Variants in GPHN observed in about 807,000 individuals in gnomAD.
GPHN encodes the protein gephyrin.
In GPHN, 17 loss-of-function variants were observed where a neutral mutation model predicts 95.5. The ratio of observed to expected loss-of-function variants is 0.18; its 90% CI spans 0.12 to 0.27. The LOEUF is 0.27. GPHN is among the 10% of genes least tolerant of loss of function. The pLI, the probability that GPHN is intolerant of heterozygous loss-of-function variation, is 1.00. For missense variants in GPHN, 660 were observed against 978.1 expected (o/e 0.67, Z 4.34); for synonymous variants, 320 against 322.5 (o/e 0.99, Z 0.08).
the GPHN span, among the ~76,000 whole-genome samples, chr14:67,528,396 C>G: frequency 6.6e-6 from 1 of 152,202 alleles, no homozygotes; most frequent in East Asian, 1.9e-4. Context: ...AGTCTCTCCC[C>G]ACACAGGCTC....
the GPHN span, among the ~76,000 whole-genome samples, chr14:67,297,584 C>T: frequency 6.6e-6 from 1 of 152,204 alleles, no homozygotes; most frequent in Non-Finnish European, 1.5e-5. Context: ...ACTTTGATAA[C>T]ATTGTGGAAA....
intron 2 of GPHN, among the ~76,000 whole-genome samples, chr14:66,765,714 C>A (rs929596550): frequency 1.3e-5 from 2 of 151,240 alleles, no homozygotes; most frequent in Admixed American, 1.3e-4. Flanking sequence ...TCCCATGACG[C>A]ACAATTTACC....
chr14:67,253,555 C>T, the GPHN span, among the ~76,000 whole-genome samples: 12 of 152,060 alleles, frequency 7.9e-5, no homozygotes, highest in African/African-American at 1.7e-4. Context: ...TTAAAAATGA[C>T]GTAGTTAGGC....
At chr14:66,546,034 G>A (rs2059579881) in intron 1 of GPHN, among the ~76,000 whole-genome samples, 2 of 149,636 alleles carry the variant, frequency 1.3e-5, no homozygotes, top group African/African-American at 4.9e-5. Flanking sequence ...GGGCAGAGAC[G>A]CTCCTCACCT....
chr14:67,660,845 A>C, the GPHN span, among the ~76,000 whole-genome samples: 1 of 152,228 alleles, frequency 6.6e-6, no homozygotes. Context: ...GAAGATTTTA[A>C]AAATGCTACC....
intron 17 of GPHN, among the ~76,000 whole-genome samples, chr14:67,138,405 C>G (rs1035197619): frequency 6.6e-6 from 1 of 152,102 alleles, no homozygotes; most frequent in Admixed American, 6.6e-5. Context: ...ATATACCCTG[C>G]TTGCTTTATG....
At chr14:67,165,139 A>G (rs747726620) in intron 19 of GPHN, 23 bp from the exon 20 acceptor site, 1 of 1,547,728 alleles carries the variant, frequency 6.5e-7, no homozygotes, top group Non-Finnish European at 8.9e-7. Context: ...AATCACTAAC[A>G]AGTGACTCTT....
the GPHN span, chr14:67,611,056 G>T: frequency 6.4e-6 from 1 of 157,020 alleles, no homozygotes. Context: ...GTGCACGTGG[G>T]CCAGACCAGC....
the GPHN span, chr14:67,208,125 T>C: frequency 3.1e-5 from 49 of 1,568,310 alleles, no homozygotes; most frequent in South Asian, 5.8e-4. Flanking sequence ...GGTGCCTGTA[T>C]TCGATACTGT....
chr14:66,632,882 C>CAACAAG (rs2063897179), intron 1 of GPHN, among the ~76,000 whole-genome samples: 1 of 152,008 alleles, frequency 6.6e-6, no homozygotes, highest in Admixed American at 6.6e-5. Flanking sequence ...AGAACAACAA[C>CAACAAG]AAAAAAGGAA....
the GPHN span, among the ~76,000 whole-genome samples, chr14:67,223,326 A>G: frequency 1.3e-5 from 2 of 152,224 alleles, no homozygotes; most frequent in Non-Finnish European, 2.9e-5. Flanking sequence ...GTCTAAAAAT[A>G]TGAGATGAAC....
At chr14:66,756,107 T>C (rs1478014654) in intron 2 of GPHN, among the ~76,000 whole-genome samples, 1 of 152,176 alleles carries the variant, frequency 6.6e-6, no homozygotes, top group African/African-American at 2.4e-5. Flanking sequence ...TAGAAGTTGC[T>C]CAAAAAAGTT....
At chr14:67,574,215 C>A in the GPHN span, 2 of 1,559,910 alleles carry the variant, frequency 1.3e-6, no homozygotes, top group Admixed American at 1.8e-5. This position sits in a 1 kb window ranked among gnomAD's most constrained non-coding sequence, Gnocchi z 4.2. Flanking sequence ...AGCGTGCTGC[C>A]CCACCCCCAT....
intron 6 of GPHN, among the ~76,000 whole-genome samples, chr14:66,917,612 C>T (rs1322313011): frequency 1.3e-5 from 2 of 152,148 alleles, no homozygotes; most frequent in African/African-American, 4.8e-5. Flanking sequence ...ACTAGTTTAG[C>T]AAGTTCCTCC....
At chr14:67,563,841 C>T in the GPHN span, among the ~76,000 whole-genome samples, 3 of 149,516 alleles carry the variant, frequency 2.0e-5, no homozygotes, top group Non-Finnish European at 4.4e-5. Flanking sequence ...TCAAGTGGTA[C>T]TCCCACCTCA....
chr14:66,812,781 T>G (rs1407526864), intron 3 of GPHN, among the ~76,000 whole-genome samples: 1 of 152,188 alleles, frequency 6.6e-6, no homozygotes, highest in Non-Finnish European at 1.5e-5. Context: ...CCAACAAAAT[T>G]TATTCCTACT....
chr14:66,559,902 G>T (rs1187150435), intron 1 of GPHN, among the ~76,000 whole-genome samples: 1 of 152,074 alleles, frequency 6.6e-6, no homozygotes, highest in Admixed American at 6.6e-5. Context: ...AATCCATCTT[G>T]AATTAATTTT....
intron 12 of GPHN, among the ~76,000 whole-genome samples, chr14:67,091,992 G>A (rs1346966505): frequency 6.6e-6 from 1 of 152,016 alleles, no homozygotes; most frequent in Non-Finnish European, 1.5e-5. Context: ...AGCGACATAA[G>A]TGATAATCAT....
the GPHN span, among the ~76,000 whole-genome samples, chr14:67,311,310 CAAAAAAAAAAAA>C: frequency 3.1e-5 from 2 of 63,956 alleles, no homozygotes; most frequent in Non-Finnish European, 7.5e-5. Flanking sequence ...GACTCCGTCT[CAAAAAAAAAAAA>C]AAAAAAAAGC....
Sources: allele counts gnomAD v4.1 joint callset (sites outside exome capture counted in the v4.1 genomes callset), GRCh38; gene constraint gnomAD v4.1.1; non-coding constraint Gnocchi (gnomAD v3.1); transcripts MANE v1.5; gene names NCBI Gene and HGNC (gene_info 2026-07-23, HGNC 2026-07-21).